The following SLC4A5 variants were observed in gnomAD, a reference collection of about 807,000 sequenced individuals.
The protein encoded by SLC4A5 is solute carrier family 4 member 5.
Under a neutral mutation model 120.4 loss-of-function variants are expected in SLC4A5, and 96 were observed. The observed-to-expected ratio is 0.80, with a 90% confidence interval of 0.68 to 0.94. The LOEUF (loss-of-function observed/expected upper bound fraction) is 0.94, where lower values mean the gene tolerates loss of function less well. Among genes scored for constraint, SLC4A5 ranks in the 40% least tolerant of loss-of-function variants. SLC4A5 has a pLI of 0.00. For synonymous variants in SLC4A5, 550 were observed against 571.1 expected (o/e 0.96, Z 0.53); for missense variants, 1,259 against 1,459.5 (o/e 0.86, Z 2.24).
chr2:74,227,914 C>G (rs1335695086), intron 25 of SLC4A5, 36 bp from the exon 26 acceptor site: 2 of 1,542,180 alleles, frequency 1.3e-6, no homozygotes, highest in Non-Finnish European at 1.7e-6. Flanking sequence ...CGGCCTCTGC[C>G]TGGGGCGGCC....
rs755433686 is a variant in SLC4A5 at position 74,239,466 on chromosome 2, C to T, written c.2188G>A (p.Gly730Arg). 5 of 1,614,022 alleles carry T rather than the reference C, an allele frequency of 3.1e-6. No homozygotes were observed. In the Admixed American group the frequency reaches 5.0e-5, roughly 16 times the overall value. ...TTGCAGGAATTCCCAAGCAGGCGCC[C>T]GCCGTAGCTCAGACACTCCTTCTTG... Residue 730 changes from glycine to arginine, a missense_variant, in exon 21 of 31, where the codon GGG becomes AGG. Gly to Arg is a moderately radical substitution (Grantham distance 125, BLOSUM62 -2). Transcript: ENST00000394019.
intron 15 of SLC4A5, 142 bp downstream of exon 15, chr2:74,252,832 C>A: frequency 1.0e-6 from 1 of 989,192 alleles, no homozygotes; most frequent in Non-Finnish European, 1.5e-6. Flanking sequence ...AAGTGATCCA[C>A]CTGCCTCAGC....
At chr2:74,334,797 A>G (rs1425193200) in intron 3 of SLC4A5, among the ~76,000 whole-genome samples, 1 of 151,986 alleles carries the variant, frequency 6.6e-6, no homozygotes, top group Non-Finnish European at 1.5e-5. Context: ...TATCTACCTC[A>G]ATGGTTATCT....
At position 74,305,433 on chromosome 2, in the gene SLC4A5, C is replaced by T. The variant is rs147970907; in HGVS notation, c.80-753G>A. ...CACACAGAGTTCAATATACCTACCT[C>T]GACCCTAATCCTACCTCTGCCCCTA... On this transcript the variant is annotated intron_variant, in intron 6 of 30. Coordinates refer to ENST00000394019, the Ensembl canonical transcript of SLC4A5. 6.6e-3 allele frequency among the ~76,000 whole-genome samples: 998 copies of T among 152,230 alleles called. 17 individuals carry two copies. Among genetic ancestry groups the T allele is most frequent in the African/African-American group, 0.022 (900 of 41,530 alleles).
chr2:74,270,214 T>C (rs1671429470), intron 8 of SLC4A5, among the ~76,000 whole-genome samples: 1 of 152,234 alleles, frequency 6.6e-6, no homozygotes, highest in African/African-American at 2.4e-5. Flanking sequence ...GTTGAACCAT[T>C]AAGCTTGCTA....
intron 3 of SLC4A5, among the ~76,000 whole-genome samples, chr2:74,337,981 C>T (rs896257364): frequency 6.6e-6 from 1 of 152,026 alleles, no homozygotes; most frequent in African/African-American, 2.4e-5. Context: ...AGCCCAGTGG[C>T]GCCTGACATG....
intron 18 of SLC4A5, 126 bp from the exon 19 acceptor site, chr2:74,247,433 A>C: frequency 1.0e-6 from 1 of 996,482 alleles, no homozygotes; most frequent in Non-Finnish European, 1.4e-6. Context: ...AGGGACTGTG[A>C]AAGACTGGGG....
chr2:74,304,502 A>G, exon 7 of SLC4A5: 1 of 1,612,124 alleles, frequency 6.2e-7, no homozygotes, highest in South Asian at 1.1e-5. Flanking sequence ...TCCTGCTGAT[A>G]AGATCCATGC....
chr2:74,327,270 C>T (rs527686110), intron 5 of SLC4A5, among the ~76,000 whole-genome samples: 9 of 152,288 alleles, frequency 5.9e-5, no homozygotes, highest in Admixed American at 2.6e-4. Context: ...GCCACTTGAC[C>T]TTGATATCTA....
At chr2:74,264,292 G>C (rs2104047624) in exon 10 of SLC4A5, 1 of 1,613,718 alleles carries the variant, frequency 6.2e-7, no homozygotes, top group African/African-American at 1.3e-5. Context: ...GCTTCTCAAT[G>C]ACATCATCTG....
intron 21 of SLC4A5, among the ~76,000 whole-genome samples, chr2:74,235,816 A>G (rs1670250039): frequency 6.6e-6 from 1 of 152,060 alleles, no homozygotes; most frequent in African/African-American, 2.4e-5. Flanking sequence ...TCCTAGACCA[A>G]GTTCTGAACC....
chr2:74,281,393 C>G (rs1482765524), intron 8 of SLC4A5, among the ~76,000 whole-genome samples: 1 of 152,192 alleles, frequency 6.6e-6, no homozygotes, highest in African/African-American at 2.4e-5. Context: ...TGCAGTCAGG[C>G]AGAGGTGGGC....
Position 74,303,053 on chromosome 2 carries a change from G to A in SLC4A5, c.271+1436C>T, listed in dbSNP as rs6748059. 9.6e-3 allele frequency among the ~76,000 whole-genome samples: 1,419 copies of A among 148,526 alleles called. 30 individuals carry two copies. The highest frequency in any genetic ancestry group is 0.032 in the African/African-American group (1,295 of 39,980). ...GTGTGTGTGTGTGTGTGTGCATGTG[G>A]AAGTGTTTTTTTGTGTGTGTGTGGT... On this transcript the variant is annotated intron_variant, in intron 7 of 30. Transcript: ENST00000394019.
intron 19 of SLC4A5, among the ~76,000 whole-genome samples, chr2:74,242,838 G>C (rs1160375430): frequency 6.6e-6 from 1 of 152,120 alleles, no homozygotes; most frequent in Non-Finnish European, 1.5e-5. Context: ...ATTTTTAGTA[G>C]AGATAAGGTT....
rs114306715 is a variant in SLC4A5 at position 74,340,695 on chromosome 2, C to T, written c.-270+1763G>A. Among the ~76,000 whole-genome samples the T allele has an allele frequency of 4.4e-3, 665 of 152,212 alleles. 6 individuals are homozygous for T. Among genetic ancestry groups the T allele is most frequent in the African/African-American group, 0.015 (642 of 41,526 alleles). On this transcript the variant is annotated intron_variant, in intron 2 of 30. Coordinates refer to ENST00000394019, the Ensembl canonical transcript of SLC4A5. ...CCACTGGTGAGCTGGAGATCACAAA[C>T]GTATAGTTTTCATATTCTTCTCACC...
At chr2:74,245,732 C>CT (rs1670589503) in intron 19 of SLC4A5, among the ~76,000 whole-genome samples, 1 of 152,236 alleles carries the variant, frequency 6.6e-6, no homozygotes, top group Admixed American at 6.5e-5. Flanking sequence ...GGCAGGACAT[C>CT]TTTATCTTCC....
At chr2:74,295,143 GA>G (rs1672289196) in intron 7 of SLC4A5, among the ~76,000 whole-genome samples, 1 of 151,902 alleles carries the variant, frequency 6.6e-6, no homozygotes. Flanking sequence ...GTGTGTTGGA[GA>G]GGGGGCGCTG....
chr2:74,337,608 T>C (rs1348948682), intron 3 of SLC4A5, among the ~76,000 whole-genome samples: 1 of 152,188 alleles, frequency 6.6e-6, no homozygotes, highest in East Asian at 1.9e-4. Flanking sequence ...GTTAGGGAAA[T>C]GCACTGTTTA....
chr2:74,286,850 A>T (rs1558895894), intron 7 of SLC4A5, among the ~76,000 whole-genome samples: 1 of 152,190 alleles, frequency 6.6e-6, no homozygotes, highest in Non-Finnish European at 1.5e-5. Flanking sequence ...TGCATGTTCC[A>T]GACACCCTGT....
Sources: gnomAD v4.1 joint callset for allele counts (sites outside exome capture counted in the v4.1 genomes callset) on GRCh38, gnomAD v4.1.1 for gene constraint, MANE v1.5 for transcripts, NCBI Gene and HGNC (gene_info 2026-07-23, HGNC 2026-07-21) for gene names.